Variants in FLI1 observed in about 807,000 individuals in gnomAD.
The protein encoded by FLI1 is Friend leukemia integration 1 transcription factor.
FLI1 carries 13 observed loss-of-function variants against 53.1 expected under a neutral mutation model. The observed-to-expected ratio is 0.24, with a 90% CI of 0.16 to 0.39. FLI1 has a LOEUF of 0.39. FLI1 is among the 10% of genes least tolerant of loss of function. FLI1 has a pLI of 1.00. For synonymous variants in FLI1, 244 were observed against 236.7 expected (o/e 1.03, Z -0.28); for missense variants, 424 against 600.5 (o/e 0.71, Z 3.07).
rs1029460730 is a variant in FLI1, at chr11:128,811,207, C to T, written c.*219C>T. 1.2e-5 allele frequency: 7 copies of T among 566,880 alleles called. No homozygotes were observed. The highest frequency in any genetic ancestry group is 6.9e-5 in the South Asian group (3 of 43,472). The allele number at this position is 566,880 out of a possible 1,614,324, so 35.1% of individuals were successfully genotyped here. ...CAAAGAGATGAATAATTCCATGGGC[C>T]AGTATGCCAGTTTGAATTCTCAGTC... On this transcript the variant is annotated 3_prime_UTR_variant, in exon 9 of 9. Coordinates refer to ENST00000527786, the MANE Select transcript of FLI1 (RefSeq NM_002017.5).
At chr11:128,799,731 T>C (rs569363997) in intron 5 of FLI1, among the ~76,000 whole-genome samples, 42 of 152,284 alleles carry the variant, frequency 2.8e-4, no homozygotes, top group African/African-American at 8.7e-4. Flanking sequence ...CTGCAGCAGA[T>C]GAGAAGCTGG....
intron 3 of FLI1, among the ~76,000 whole-genome samples, chr11:128,771,167 G>A (rs889677017): frequency 9.2e-5 from 14 of 152,222 alleles, no homozygotes; most frequent in Non-Finnish European, 1.8e-4. Flanking sequence ...AATAGGGCTC[G>A]CGGAGCAGGT....
chr11:128,810,756 C>T lies in FLI1; in HGVS notation c.1127C>T (p.Ser376Leu), dbSNP rs766430761. The T allele has an allele frequency of 4.3e-6, 7 of 1,613,950 alleles. No homozygotes were observed. The highest frequency in any genetic ancestry group is 3.3e-5 in the South Asian group (3 of 91,088). ...AQALQPHPTE[S>L]SMYKYPSDIS... is the part of the protein sequence containing the mutation. The stretch of plus-strand genomic sequence containing the variant: ...GCTCTGCAGCCACATCCGACCGAGT[C>T]GTCCATGTACAAGTACCCTTCTGAC... The change falls in exon 9 of 9, where the codon TCG becomes TTG. Residue 376 changes from serine (S) to leucine (L), a missense_variant. By Grantham distance (145) the Ser-to-Leu change is moderately radical. Coordinates refer to ENST00000527786, the MANE Select transcript of FLI1 (RefSeq NM_002017.5). The surrounding 1 kb of genome is among the most constrained non-coding windows in gnomAD (Gnocchi z 6.6).
intron 5 of FLI1, among the ~76,000 whole-genome samples, chr11:128,785,519 C>T (rs1205156757): frequency 1.3e-5 from 2 of 151,928 alleles, no homozygotes; most frequent in Non-Finnish European, 2.9e-5. Context: ...CTTTCTCTTC[C>T]AGCTGCCATT....
intron 1 of FLI1, among the ~76,000 whole-genome samples, chr11:128,694,982 C>G (rs1937983921): frequency 6.6e-6 from 1 of 152,120 alleles, no homozygotes; most frequent in South Asian, 2.1e-4. Flanking sequence ...CAGCCCCCGT[C>G]CGCACAGATC....
chr11:128,734,264 A>G (rs1238724208), intron 1 of FLI1, among the ~76,000 whole-genome samples: 1 of 152,194 alleles, frequency 6.6e-6, no homozygotes, highest in Non-Finnish European at 1.5e-5. Flanking sequence ...CGTTTGGAGG[A>G]GGCTGCGCTG....
At chr11:128,809,340 C>T in intron 8 of FLI1, 136 bp downstream of exon 8, 1 of 776,362 alleles carries the variant, frequency 1.3e-6, no homozygotes, top group South Asian at 1.5e-5. Flanking sequence ...TGTTCAATGT[C>T]TGTTTCTGGA....
chr11:128,766,391 T>C (rs1390182087), intron 2 of FLI1, among the ~76,000 whole-genome samples: 1 of 152,168 alleles, frequency 6.6e-6, no homozygotes, highest in Non-Finnish European at 1.5e-5. Flanking sequence ...AGGCGAATAG[T>C]AAAACCTTAA....
At chr11:128,713,616 C>CA (rs199923929) in intron 1 of FLI1, among the ~76,000 whole-genome samples, 4,519 of 113,490 alleles carry the variant, frequency 0.04, 173 homozygotes, top group African/African-American at 0.12. Context: ...ATAGTCAAGG[C>CA]AAAAAAAAAA....
chr11:128,714,811 C>A (rs1938937096), intron 1 of FLI1, among the ~76,000 whole-genome samples: 1 of 149,436 alleles, frequency 6.7e-6, no homozygotes, highest in Admixed American at 6.8e-5. Flanking sequence ...CAGGTTCAAG[C>A]AATTCTCCTG....
At chr11:128,770,035 G>T (rs1299632523) in intron 3 of FLI1, among the ~76,000 whole-genome samples, 4 of 152,180 alleles carry the variant, frequency 2.6e-5, no homozygotes, top group Non-Finnish European at 4.4e-5. Context: ...TGAAGGGTTT[G>T]GGGATCTGAG....
At position 128,758,213 on chromosome 11, in the gene FLI1, T is replaced by A. The variant is rs1326640656; in HGVS notation, c.117T>A (p.Ser39Arg). 1.2e-6 allele frequency: 2 copies of A among 1,612,152 alleles called. No individual in the cohort carries two copies. The highest frequency in any genetic ancestry group is 2.7e-5 in the African/African-American group (2 of 74,482). ...LPKADMTASG[S>R]PDYGQPHKIN... Reference sequence around the variant, plus strand: ...AGGCCGACATGACTGCCTCGGGGAGTCCTGACTACGGGCAGCCCCACAAGA... The same window carrying A: ...AGGCCGACATGACTGCCTCGGGGAGACCTGACTACGGGCAGCCCCACAAGA... The change falls in exon 2 of 9, where the codon AGT (serine) becomes AGA (arginine). Residue 39 changes from serine (S) to arginine (R), a missense_variant. By Grantham distance (110) the Ser-to-Arg change is moderately radical. Transcript: ENST00000527786.
At chr11:128,700,701 TAG>T (rs1455367231) in intron 1 of FLI1, among the ~76,000 whole-genome samples, 1 of 152,104 alleles carries the variant, frequency 6.6e-6, no homozygotes, top group Non-Finnish European at 1.5e-5. Context: ...TGGAGAAACC[TAG>T]TCTCTACAAA....
chr11:128,783,661 C>A (rs946509892), intron 5 of FLI1, among the ~76,000 whole-genome samples: 1 of 152,168 alleles, frequency 6.6e-6, no homozygotes, highest in African/African-American at 2.4e-5. Context: ...GTCAGGGCAC[C>A]TTTGGCTTCC....
At chr11:128,785,158 G>C (rs1302873668) in intron 5 of FLI1, among the ~76,000 whole-genome samples, 3 of 151,992 alleles carry the variant, frequency 2.0e-5, no homozygotes, top group Non-Finnish European at 4.4e-5. Context: ...CTATGGACAT[G>C]GATTGGATCC....
intron 1 of FLI1, among the ~76,000 whole-genome samples, chr11:128,745,045 C>T (rs1940318223): frequency 6.6e-6 from 1 of 152,084 alleles, no homozygotes; most frequent in Non-Finnish European, 1.5e-5. Context: ...GCAGAGAAGA[C>T]AGGGAGGCAA....
At chr11:128,718,498 T>C (rs1366147794) in intron 1 of FLI1, among the ~76,000 whole-genome samples, 1 of 152,084 alleles carries the variant, frequency 6.6e-6, no homozygotes, top group Non-Finnish European at 1.5e-5. Context: ...TGCCTTCTCC[T>C]CCCCTCTGCT....
chr11:128,711,446 T>C (rs1271233652), intron 1 of FLI1, among the ~76,000 whole-genome samples: 2 of 152,256 alleles, frequency 1.3e-5, no homozygotes, highest in Admixed American at 1.3e-4. Context: ...AAGTTTTCTA[T>C]CCCGTCTCCT....
chr11:128,789,614 C>T (rs370747136), intron 5 of FLI1, among the ~76,000 whole-genome samples: 4 of 152,172 alleles, frequency 2.6e-5, no homozygotes, highest in African/African-American at 9.7e-5. Flanking sequence ...CTTTGTCCCT[C>T]GCGATATGCA....
Sources: allele counts gnomAD v4.1 joint callset (sites outside exome capture counted in the v4.1 genomes callset), GRCh38; gene constraint gnomAD v4.1.1; non-coding constraint Gnocchi (gnomAD v3.1); transcripts MANE v1.5; gene names NCBI Gene and HGNC (gene_info 2026-07-23, HGNC 2026-07-21).